Variants in RERE observed in about 807,000 individuals in gnomAD.
RERE encodes arginine-glutamic acid dipeptide repeats protein.
A neutral mutation model predicts 146.1 loss-of-function variants in RERE; 40 were observed. That is an observed-to-expected ratio of 0.27 (90% CI 0.21 to 0.36). The LOEUF is 0.36. RERE is among the 10% of genes least tolerant of loss of function. The pLI is 1.00. For synonymous variants in RERE, 1,003 were observed against 866.0 expected, an observed-to-expected ratio of 1.16 and a Z score of -2.78; for missense variants, 1,933 against 2,138.7, an observed-to-expected ratio of 0.90 and a Z score of 1.90.
Position 8,356,071 on chromosome 1 carries a change from C to G in RERE, c.4486+29G>C, listed in dbSNP as rs748104775. ...CCCCAACCCAACCCTCACACGGCCT[C>G]CCCGCCCCTCCTGGAGGGGAAGTCT... On this transcript the variant is annotated intron_variant, in intron 21 of 22. Coordinates refer to ENST00000400908, the MANE Select transcript of RERE (RefSeq NM_001042681.2). This position sits in a 1 kb window ranked among gnomAD's most constrained non-coding sequence, Gnocchi z 5.2. 1 of 1,467,012 alleles carries G rather than the reference C, an allele frequency of 6.8e-7. No homozygotes were observed. Among genetic ancestry groups the G allele is most frequent in the South Asian group, 1.5e-5 (1 of 67,948 alleles). 90.9% of individuals were successfully genotyped at this position (1,467,012 alleles called of 1,614,324 possible). A position where few individuals can be genotyped will look rare whatever the true frequency, so the allele number is the denominator to read the frequency against.
At position 8,647,729 on chromosome 1, in the gene RERE, A is replaced by C. The variant is rs201558813; in HGVS notation, c.325+8244T>G. Among the ~76,000 whole-genome samples, 15 of 151,320 alleles carry C rather than the reference A, an allele frequency of 9.9e-5. No homozygotes were observed. The East Asian group carries it at 2.9e-3, about 30-fold the overall frequency. On this transcript the variant is annotated intron_variant, in intron 2 of 22. Transcript: ENST00000400908. ...TTGGTTTTGTTTTATTTTGGGAAGG[A>C]AATGTTTGTCTGAGTAATTAATTGC...
At chr1:8,420,277 A>G (rs1168340240) in intron 12 of RERE, among the ~76,000 whole-genome samples, 1 of 152,202 alleles carries the variant, frequency 6.6e-6, no homozygotes, top group African/African-American at 2.4e-5. Flanking sequence ...CAACAGAGTT[A>G]GATCTTGTCT....
chr1:8,370,451 T>C (rs958715508), intron 12 of RERE, among the ~76,000 whole-genome samples: 1 of 152,220 alleles, frequency 6.6e-6, no homozygotes, highest in Non-Finnish European at 1.5e-5. Flanking sequence ...CTCATGAAAC[T>C]GTGTACTTAA....
intron 1 of RERE, among the ~76,000 whole-genome samples, chr1:8,736,036 C>T (rs562523604): frequency 6.6e-6 from 1 of 152,128 alleles, no homozygotes; most frequent in Non-Finnish European, 1.5e-5. Context: ...TCCTTATACA[C>T]AAAGAAATGG....
chr1:8,719,151 G>A (rs1019179805), intron 1 of RERE, among the ~76,000 whole-genome samples: 2 of 152,146 alleles, frequency 1.3e-5, no homozygotes, highest in African/African-American at 4.8e-5. Flanking sequence ...CTGGGAAGGA[G>A]TGTGTCCGGA....
chr1:8,810,764 T>C (rs1641790887), intron 1 of RERE, among the ~76,000 whole-genome samples: 1 of 152,096 alleles, frequency 6.6e-6, no homozygotes, highest in African/African-American at 2.4e-5. Context: ...ACAAAAACCC[T>C]CTATAGTATA....
intron 1 of RERE, among the ~76,000 whole-genome samples, chr1:8,738,315 C>T (rs1451267900): frequency 1.3e-5 from 2 of 151,968 alleles, no homozygotes; most frequent in Non-Finnish European, 2.9e-5. Flanking sequence ...TGGAGTCTCG[C>T]TCTGTCACTC....
chr1:8,711,117 A>G (rs1639658099), intron 1 of RERE, among the ~76,000 whole-genome samples: 1 of 129,650 alleles, frequency 7.7e-6, no homozygotes. Context: ...AGATCGAGCC[A>G]CTGCACTCCA....
At chr1:8,401,604 A>C (rs1233283201) in intron 12 of RERE, among the ~76,000 whole-genome samples, 1 of 152,050 alleles carries the variant, frequency 6.6e-6, no homozygotes, top group Non-Finnish European at 1.5e-5. Context: ...TACAAAAAAT[A>C]AAAATATTAG....
chr1:8,450,959 C>A (rs975158100), intron 11 of RERE, among the ~76,000 whole-genome samples: 1 of 152,166 alleles, frequency 6.6e-6, no homozygotes, highest in African/African-American at 2.4e-5. Flanking sequence ...CTACCGGTAG[C>A]CATACCTAAG....
intron 4 of RERE, among the ~76,000 whole-genome samples, chr1:8,561,017 G>A (rs1053436241): frequency 2.6e-5 from 4 of 152,164 alleles, no homozygotes; most frequent in Non-Finnish European, 4.4e-5. Context: ...ACTCAAATTT[G>A]TACAATGTCT....
At chr1:8,714,998 C>T (rs1487476870) in intron 1 of RERE, among the ~76,000 whole-genome samples, 1 of 151,744 alleles carries the variant, frequency 6.6e-6, no homozygotes, top group Non-Finnish European at 1.5e-5. Flanking sequence ...CTCAGCCTCC[C>T]GAATAGCTGG....
In RERE at chr1:8,392,461, G is replaced by A. The variant is rs145759938; in HGVS notation, c.1285-26487C>T. Among the ~76,000 whole-genome samples the A allele has an allele frequency of 4.0e-3, 611 of 152,096 alleles. 3 individuals are homozygous for A. The highest frequency in any genetic ancestry group is 7.6e-3 in the Non-Finnish European group (516 of 67,990). On this transcript the variant is annotated intron_variant, in intron 12 of 22. Coordinates refer to ENST00000400908, the MANE Select transcript of RERE (RefSeq NM_001042681.2). ...ATCTATCTAGATAAAAACAAACTTAGCCAAAACTTTTTCCTCTCCCCTGGG... is the reference window on the plus strand; with the variant it reads ...ATCTATCTAGATAAAAACAAACTTAACCAAAACTTTTTCCTCTCCCCTGGG...
chr1:8,703,233 C>G (rs1029536351), intron 1 of RERE: 3 of 150,682 alleles, frequency 2.0e-5, no homozygotes, highest in African/African-American at 7.3e-5. Context: ...GGCACCGCGG[C>G]GCGGGCGCAG....
At position 8,731,959 on chromosome 1, in the gene RERE, C is replaced by T. The variant is rs368148125; in HGVS notation, c.-144-75518G>A. Reference sequence around the variant, plus strand: ...CTGGGACTACAGGCACACACTGCCACGCCCGGCTAATTTTTTTGTATTTTT... The same window carrying T: ...CTGGGACTACAGGCACACACTGCCATGCCCGGCTAATTTTTTTGTATTTTT... On this transcript the variant is annotated intron_variant, in intron 1 of 22. Transcript: ENST00000400908. Among the ~76,000 whole-genome samples the T allele has an allele frequency of 2.0e-4, 31 of 152,232 alleles. No homozygotes were observed. The East Asian group carries it at 2.9e-3, about 14-fold the overall frequency.
chr1:8,812,573 G>A (rs904686398), intron 1 of RERE, among the ~76,000 whole-genome samples: 2 of 152,120 alleles, frequency 1.3e-5, no homozygotes, highest in Non-Finnish European at 2.9e-5. Flanking sequence ...CTTGAACCTG[G>A]GAAGCAAAGT....
At chr1:8,498,732 T>TACACACACACACACACACACACAC (rs1553175300) in intron 8 of RERE, among the ~76,000 whole-genome samples, 4 of 107,834 alleles carry the variant, frequency 3.7e-5, no homozygotes, top group African/African-American at 1.1e-4. Flanking sequence ...AATAAATATA[T>TACACACACACACACACACACACAC]ACACACACAC....
At chr1:8,414,583 C>A (rs549548597) in intron 12 of RERE, among the ~76,000 whole-genome samples, 1 of 150,766 alleles carries the variant, frequency 6.6e-6, no homozygotes, top group South Asian at 2.1e-4. Context: ...TTTCAATAGT[C>A]AAATCCTGGG....
intron 11 of RERE, among the ~76,000 whole-genome samples, chr1:8,456,403 T>A (rs952135558): frequency 6.6e-6 from 1 of 152,232 alleles, no homozygotes; most frequent in African/African-American, 2.4e-5. Flanking sequence ...AAATGCTGAA[T>A]TTATAGTAAA....
Sources: allele counts gnomAD v4.1 joint callset (sites outside exome capture counted in the v4.1 genomes callset), GRCh38; gene constraint gnomAD v4.1.1; non-coding constraint Gnocchi (gnomAD v3.1); transcripts MANE v1.5; gene names NCBI Gene and HGNC (gene_info 2026-07-23, HGNC 2026-07-21).